Variants in HNRNPM observed in about 807,000 individuals in gnomAD.
HNRNPM encodes heterogeneous nuclear ribonucleoprotein M, also known as CEA receptor.
A neutral mutation model predicts 73.1 loss-of-function variants in HNRNPM; 11 were observed. The ratio of observed to expected loss-of-function variants is 0.15; its 90% confidence interval spans 0.09 to 0.25. HNRNPM has a LOEUF of 0.25. Ranked by LOEUF, HNRNPM falls within the 10% of genes least tolerant of loss-of-function variation. The pLI is 1.00. For synonymous variants in HNRNPM, 407 were observed against 355.2 expected (o/e 1.15, Z -1.64); for missense variants, 789 against 1,067.9 (o/e 0.74, Z 3.64).
At chr19:8,451,581 C>A (rs544060802) in intron 1 of HNRNPM, among the ~76,000 whole-genome samples, 1 of 152,046 alleles carries the variant, frequency 6.6e-6, no homozygotes, top group African/African-American at 2.4e-5. Context: ...CTGTTACCCC[C>A]GGCTGGAGTG....
At position 8,462,273 on chromosome 19, in the gene HNRNPM, G is replaced by A. The variant is rs1210655784; in HGVS notation, c.284-256G>A. 3.3e-5 allele frequency: 15 copies of A among 454,834 alleles called. No individual in the cohort carries two copies. The East Asian group carries it at 5.3e-4, about 16-fold the overall frequency. 28.2% of individuals were successfully genotyped at this position (454,834 alleles called of 1,614,324 possible). On this transcript the variant is annotated intron_variant, in intron 2 of 15. Coordinates refer to ENST00000325495, the MANE Select transcript of HNRNPM (RefSeq NM_005968.5). This position sits in a 1 kb window ranked among gnomAD's most constrained non-coding sequence, Gnocchi z 4.5. ...GTCATGAATGAGTCTTCCAGACAGG[G>A]AAATTGATACGGAAATCTGTGGAAT...
chr19:8,471,559 C>T, intron 10 of HNRNPM, 132 bp downstream of exon 10: 1 of 458,596 alleles, frequency 2.2e-6, no homozygotes, highest in East Asian at 3.5e-5. Context: ...TTATTCATCT[C>T]TGCCTCATTT....
At chr19:8,463,362 T>C in intron 3 of HNRNPM, 135 bp from the exon 4 acceptor site, 2 of 1,001,422 alleles carry the variant, frequency 2.0e-6, no homozygotes, top group Admixed American at 2.0e-5. Context: ...CTTAGAAGGG[T>C]TCATTTTAAA....
At chr19:8,447,116 T>C (rs1225619531) in intron 1 of HNRNPM, among the ~76,000 whole-genome samples, 1 of 152,208 alleles carries the variant, frequency 6.6e-6, no homozygotes, top group Non-Finnish European at 1.5e-5. Context: ...CAAATACATG[T>C]GGACTGTTGG....
Position 8,485,946 on chromosome 19 carries a change from G to C in HNRNPM, c.1518G>C (p.Gln506His). The C allele has an allele frequency of 6.2e-7, 1 of 1,605,440 alleles. No homozygotes were observed. The highest frequency in any genetic ancestry group is 8.5e-7 in the Non-Finnish European group (1 of 1,179,196). The change falls in exon 14 of 16, where the codon CAG becomes CAC. Residue 506 changes from glutamine (Q) to histidine (H), a missense_variant. Physicochemically the swap from Gln to His is conservative, Grantham distance 24. Around this residue, in one of 4 missense-constraint regions of HNRNPM, gnomAD observed 604 missense variants for 744.0 expected, o/e 0.81. Transcript: ENST00000325495. ...RMAAPIDRVG[Q>H]TIERMGSGVE... ...CCGCTCCCATCGACCGTGTGGGCCA[G>C]ACCATTGAGCGCATGGGCTCTGGCG...
chr19:8,476,945 T>G (rs1206815614), intron 12 of HNRNPM, among the ~76,000 whole-genome samples: 2 of 142,272 alleles, frequency 1.4e-5, no homozygotes, highest in African/African-American at 5.2e-5. Flanking sequence ...AGGAGCATGC[T>G]GACCCATGAG....
intron 1 of HNRNPM, chr19:8,445,317 C>G (rs1968062619): frequency 1.9e-5 from 8 of 417,818 alleles, no homozygotes; most frequent in Non-Finnish European, 2.9e-5. Flanking sequence ...CACCGGGCCT[C>G]GAGCCTCGCC....
chr19:8,486,432 G>T (rs1431096209), intron 14 of HNRNPM, 27 bp downstream of exon 14: 4 of 1,531,852 alleles, frequency 2.6e-6, no homozygotes, highest in South Asian at 2.4e-5. Context: ...GAACTTCTTG[G>T]TGGTGGTGAG....
intron 12 of HNRNPM, among the ~76,000 whole-genome samples, chr19:8,479,794 C>T (rs942590810): frequency 3.7e-5 from 3 of 81,762 alleles, no homozygotes; most frequent in Admixed American, 1.3e-4. Context: ...TTTTTTTTTG[C>T]GACAGAGTCT....
chr19:8,453,162 G>C (rs1023193735), intron 1 of HNRNPM, among the ~76,000 whole-genome samples: 4 of 151,574 alleles, frequency 2.6e-5, no homozygotes, highest in Admixed American at 1.3e-4. Flanking sequence ...TTTGTTTGGA[G>C]ACAGAGTCTC....
intron 12 of HNRNPM, among the ~76,000 whole-genome samples, chr19:8,479,078 CTT>C (rs74176651): frequency 1.8e-4 from 13 of 73,836 alleles, no homozygotes; most frequent in Admixed American, 3.9e-4. Flanking sequence ...TTCTTTCTTT[CTT>C]TTTTTTTTTT....
chr19:8,479,102 T>TTTC (rs869174996), intron 12 of HNRNPM, among the ~76,000 whole-genome samples: 6 of 143,904 alleles, frequency 4.2e-5, no homozygotes, highest in African/African-American at 5.4e-5. Flanking sequence ...TTTTTTTTTT[T>TTTC]CAAGACAGAG....
chr19:8,486,200 G>A lies in HNRNPM; in HGVS notation c.1772G>A (p.Arg591His), dbSNP rs1971289637. ...CGCATGGGTGCCAACAGCCTCGAGC[G>A]CATGGGCCCTGCCATGGGCCCGGCC... ...LERMGANSLE[R>H]MGPAMGPALG... is the part of the protein sequence containing the mutation. The change falls in exon 14 of 16, where the codon CGC becomes CAC. Residue 591 changes from arginine (R) to histidine (H), a missense_variant. Physicochemically the swap from Arg to His is conservative, Grantham distance 29 (BLOSUM62 0). This residue lies in a region of HNRNPM where 604 missense variants were observed against 744.0 expected (regional missense o/e 0.81). Coordinates refer to ENST00000325495, the MANE Select transcript of HNRNPM (RefSeq NM_005968.5). 1 of 1,582,790 alleles carries A rather than the reference G, an allele frequency of 6.3e-7. No homozygotes were observed. Among genetic ancestry groups the A allele is most frequent in the Non-Finnish European group, 8.6e-7 (1 of 1,163,280 alleles).
Position 8,468,762 on chromosome 19 carries a change from T to G in HNRNPM, c.835-12T>G. ...TGGATACTGAGATTTGTTTGTTTTC[T>G]TTCTCTTTCAGGATGAGAGGGCCTT... On this transcript the variant is annotated splice_polypyrimidine_tract_variant and intron_variant, in intron 8 of 15. Transcript: ENST00000325495. 6.2e-7 allele frequency: 1 copy of G among 1,611,284 alleles called. No individual in the cohort carries two copies. Among genetic ancestry groups the G allele is most frequent in the East Asian group, 2.2e-5 (1 of 44,876 alleles).
rs933838738 is a variant in HNRNPM, at chr19:8,488,986, A to C, written c.*132A>C. The C allele has an allele frequency of 3.6e-6, 3 of 823,590 alleles. No individual in the cohort carries two copies. Among genetic ancestry groups the C allele is most frequent in the Non-Finnish European group, 5.6e-6 (3 of 538,094 alleles). The allele number at this position is 823,590 out of a possible 1,614,324, so 51.0% of individuals were successfully genotyped here. A position where few individuals can be genotyped will look rare whatever the true frequency, so the allele number is the denominator to read the frequency against. The stretch of plus-strand genomic sequence containing the variant: ...GTTGCTTTTTGGGGTAATTTGAATT[A>C]CTTTTTTAATGACTGGGGTTCCATT... On this transcript the variant is annotated 3_prime_UTR_variant, in exon 16 of 16. Coordinates refer to ENST00000325495, the MANE Select transcript of HNRNPM (RefSeq NM_005968.5).
In HNRNPM at chr19:8,467,402, A is replaced by G. The variant is rs976651986; in HGVS notation, c.785-133A>G. On this transcript the variant is annotated intron_variant, in intron 7 of 15. Coordinates refer to ENST00000325495, the MANE Select transcript of HNRNPM (RefSeq NM_005968.5). Reference sequence around the variant, plus strand: ...TTTTATGTTTATTGTTGAAAGTATAATGAAGAATTGAAATTGCTCATAAAT... The same window carrying G: ...TTTTATGTTTATTGTTGAAAGTATAGTGAAGAATTGAAATTGCTCATAAAT... 4.5e-6 allele frequency: 3 copies of G among 660,340 alleles called. No individual in the cohort carries two copies. The African/African-American group carries it at 5.5e-5, about 12-fold the overall frequency. 40.9% of individuals were successfully genotyped at this position (660,340 alleles called of 1,614,324 possible).
chr19:8,488,818 C>T lies in HNRNPM; in HGVS notation c.2157C>T (p.Gly719=). The T allele has an allele frequency of 6.2e-7, 1 of 1,614,030 alleles. No individual in the cohort carries two copies. The highest frequency in any genetic ancestry group is 1.3e-5 in the African/African-American group (1 of 75,006). ...TGATGAATGGCATGAAGCTGAGTGG[C>T]CGAGAGATTGACGTTCGAATTGATA... ...CRMMNGMKLS[G]REIDVRIDRN... The change falls in exon 16 of 16, where the codon GGC becomes GGT. Residue 719 remains glycine, a synonymous_variant. Coordinates refer to ENST00000325495, the MANE Select transcript of HNRNPM (RefSeq NM_005968.5).
chr19:8,474,942 T>G (rs1970400867), intron 12 of HNRNPM, among the ~76,000 whole-genome samples: 1 of 152,198 alleles, frequency 6.6e-6, no homozygotes, highest in African/African-American at 2.4e-5. Flanking sequence ...CTCGAACTCC[T>G]GACTTCATGT....
intron 5 of HNRNPM, among the ~76,000 whole-genome samples, chr19:8,465,089 A>G (rs1188935673): frequency 6.6e-6 from 1 of 152,094 alleles, no homozygotes; most frequent in African/African-American, 2.4e-5. Flanking sequence ...ACTTAGTGCA[A>G]TTGAGAGCTG....
Sources: gnomAD v4.1 joint callset for allele counts (sites outside exome capture counted in the v4.1 genomes callset) on GRCh38, gnomAD v4.1.1 for gene constraint, gnomAD v4.1.1 regional missense constraint, Gnocchi (gnomAD v3.1) non-coding constraint, MANE v1.5 for transcripts, NCBI Gene and HGNC (gene_info 2026-07-23, HGNC 2026-07-21) for gene names.